The following DOCK4 variants were observed in gnomAD, a reference collection of about 807,000 sequenced individuals.
DOCK4 encodes dedicator of cytokinesis 4, also known as dedicator of cytokinesis protein 4.
Under a neutral mutation model 268.1 loss-of-function variants are expected in DOCK4, and 97 were observed. The observed-to-expected ratio is 0.36, with a 90% confidence interval of 0.31 to 0.43. The LOEUF is 0.43. Ranked by LOEUF, DOCK4 falls within the 20% of genes least tolerant of loss-of-function variation. The pLI, the probability that DOCK4 is intolerant of heterozygous loss-of-function variation, is 1.00. For synonymous variants in DOCK4, 954 were observed against 887.2 expected, an observed-to-expected ratio of 1.08 and a Z score of -1.34; for missense variants, 2,145 against 2,455.7, an observed-to-expected ratio of 0.87 and a Z score of 2.67.
intron 13 of DOCK4, among the ~76,000 whole-genome samples, chr7:111,905,679 ATGTATGTGTGTG>A (rs1791502829): frequency 1.7e-5 from 2 of 115,292 alleles, no homozygotes; most frequent in African/African-American, 8.2e-5. Flanking sequence ...ATATATATGC[ATGTATGTGTGTG>A]TGTGTGTGTG....
intron 1 of DOCK4, among the ~76,000 whole-genome samples, chr7:112,097,811 T>A (rs747028764): frequency 6.6e-6 from 1 of 152,220 alleles, no homozygotes; most frequent in Non-Finnish European, 1.5e-5. Flanking sequence ...AATGCCAGAA[T>A]GTCAAAGTAA....
At chr7:112,131,344 T>C (rs1295546414) in intron 1 of DOCK4, among the ~76,000 whole-genome samples, 1 of 152,114 alleles carries the variant, frequency 6.6e-6, no homozygotes, top group Non-Finnish European at 1.5e-5. Flanking sequence ...AGGCAAGCAA[T>C]TCAGCCAGGA....
intron 1 of DOCK4, among the ~76,000 whole-genome samples, chr7:112,164,252 C>T (rs1817391517): frequency 6.6e-6 from 1 of 152,022 alleles, no homozygotes; most frequent in Non-Finnish European, 1.5e-5. Context: ...GCCTGGGTGA[C>T]AGAGTGAGAC....
chr7:112,022,774 T>A (rs10081208), intron 1 of DOCK4, among the ~76,000 whole-genome samples: 4,146 of 152,260 alleles, frequency 0.027, 152 homozygotes, highest in African/African-American at 0.082. Context: ...GTAGTTAGCA[T>A]CAGTAAATGT....
chr7:112,057,377 C>T (rs1404374257), intron 1 of DOCK4, among the ~76,000 whole-genome samples: 1 of 151,922 alleles, frequency 6.6e-6, no homozygotes, highest in Non-Finnish European at 1.5e-5. Flanking sequence ...ACAGCGAAAC[C>T]CCATCTCCAC....
chr7:111,881,561 TC>T (rs1388796762), intron 16 of DOCK4, among the ~76,000 whole-genome samples: 4 of 152,152 alleles, frequency 2.6e-5, no homozygotes, highest in African/African-American at 9.6e-5. Flanking sequence ...GATTTGGCCA[TC>T]CCCCTACTGG....
chr7:112,171,590 G>C (rs1233577015), intron 1 of DOCK4, among the ~76,000 whole-genome samples: 2 of 152,130 alleles, frequency 1.3e-5, no homozygotes, highest in African/African-American at 4.8e-5. Flanking sequence ...ACCACATGAT[G>C]TGGGAACTAA....
At chr7:112,026,032 A>C (rs1465159082) in intron 1 of DOCK4, among the ~76,000 whole-genome samples, 1 of 152,210 alleles carries the variant, frequency 6.6e-6, no homozygotes, top group Non-Finnish European at 1.5e-5. Flanking sequence ...CTCTTCCACT[A>C]AACTTTGAGT....
chr7:112,023,827 C>A (rs1486919333), intron 1 of DOCK4, among the ~76,000 whole-genome samples: 1 of 152,202 alleles, frequency 6.6e-6, no homozygotes, highest in African/African-American at 2.4e-5. Context: ...AAAAATTACT[C>A]TCAAAAACAG....
intron 12 of DOCK4, among the ~76,000 whole-genome samples, chr7:111,933,665 C>T (rs1315484962): frequency 6.6e-6 from 1 of 152,058 alleles, no homozygotes; most frequent in Non-Finnish European, 1.5e-5. Flanking sequence ...TATTTCATTT[C>T]TCCTGTCTCG....
chr7:111,732,915 A>G (rs1185894732), intron 51 of DOCK4, among the ~76,000 whole-genome samples: 2 of 152,232 alleles, frequency 1.3e-5, no homozygotes, highest in Non-Finnish European at 2.9e-5. Flanking sequence ...GTGGCCAAGA[A>G]GAGTGAACTG....
chr7:111,826,357 C>T (rs1334630561), intron 26 of DOCK4, among the ~76,000 whole-genome samples: 1 of 152,142 alleles, frequency 6.6e-6, no homozygotes, highest in African/African-American at 2.4e-5. Context: ...GACATTTATC[C>T]TGCAGGCATT....
At chr7:111,777,396 A>G (rs1798515043) in intron 36 of DOCK4, among the ~76,000 whole-genome samples, 1 of 152,344 alleles carries the variant, frequency 6.6e-6, no homozygotes, top group Admixed American at 6.5e-5. Flanking sequence ...GAACCTGGGA[A>G]CTTCATGAAT....
At chr7:111,853,326 C>A (rs755224692) in intron 23 of DOCK4, among the ~76,000 whole-genome samples, 10 of 152,050 alleles carry the variant, frequency 6.6e-5, no homozygotes, top group African/African-American at 2.2e-4. Flanking sequence ...ATGGGCTGGA[C>A]GTGGGCACTG....
chr7:112,199,762 T>G (rs567700290), intron 1 of DOCK4, among the ~76,000 whole-genome samples: 3 of 152,368 alleles, frequency 2.0e-5, no homozygotes, highest in Admixed American at 2.0e-4. Context: ...CCATTATCTT[T>G]ACTCTTCTGT....
intron 1 of DOCK4, among the ~76,000 whole-genome samples, chr7:112,089,558 C>T (rs1809432549): frequency 2.0e-5 from 3 of 152,118 alleles, no homozygotes; most frequent in Non-Finnish European, 4.4e-5. Context: ...TACTAAATTA[C>T]GGTTTGGTGT....
rs890338924 is a variant in DOCK4, at chr7:111,852,980, C to A, written c.2474-5854G>T. On this transcript the variant is annotated intron_variant, in intron 23 of 52. Transcript: ENST00000428084. ...CTCTCCTTGAGAGGGCCGATACACT[C>A]ATATTCCACATCTCAGATAAAGCTC... Among the ~76,000 whole-genome samples, 6 of 152,194 alleles carry A rather than the reference C, an allele frequency of 3.9e-5. No individual in the cohort carries two copies. In the South Asian group the frequency reaches 1.2e-3, roughly 32 times the overall value.
intron 7 of DOCK4, among the ~76,000 whole-genome samples, chr7:111,980,437 T>TG (rs1479752977): frequency 6.6e-6 from 1 of 152,236 alleles, no homozygotes; most frequent in East Asian, 1.9e-4. Context: ...ACTCTAACTG[T>TG]GCTTAACAGT....
chr7:112,083,682 A>G (rs922339010), intron 1 of DOCK4, among the ~76,000 whole-genome samples: 3 of 152,196 alleles, frequency 2.0e-5, no homozygotes, highest in African/African-American at 4.8e-5. Flanking sequence ...ACAATTTTTA[A>G]AAGACATGGT....
Sources: gnomAD v4.1 joint callset for allele counts (sites outside exome capture counted in the v4.1 genomes callset) on GRCh38, gnomAD v4.1.1 for gene constraint, MANE v1.5 for transcripts, NCBI Gene and HGNC (gene_info 2026-07-23, HGNC 2026-07-21) for gene names.